HMCN1: variants seen among roughly 807,000 people sequenced by gnomAD.
The protein encoded by HMCN1 is hemicentin-1.
Under a neutral mutation model 625.9 loss-of-function variants are expected in HMCN1, and 321 were observed. The ratio of observed to expected loss-of-function variants is 0.51; its 90% CI spans 0.47 to 0.56. HMCN1 has a LOEUF of 0.56. Among genes scored for constraint, HMCN1 ranks in the 20% least tolerant of loss-of-function variants. The pLI is 0.00. For synonymous variants in HMCN1, 2,425 were observed against 2,417.6 expected, an observed-to-expected ratio of 1.00 and a Z score of -0.09; for missense variants, 6,588 against 6,887.3, an observed-to-expected ratio of 0.96 and a Z score of 1.54.
chr1:185,760,150 G>A (rs912293395), intron 1 of HMCN1, among the ~76,000 whole-genome samples: 5 of 152,174 alleles, frequency 3.3e-5, no homozygotes, highest in South Asian at 2.1e-4. Flanking sequence ...TGTTAAGCTG[G>A]AACAGACATT....
chr1:185,956,589 T>A (rs1649647110), intron 11 of HMCN1, among the ~76,000 whole-genome samples: 1 of 152,238 alleles, frequency 6.6e-6, no homozygotes, highest in Admixed American at 6.5e-5. Flanking sequence ...TCTCTGCATG[T>A]TTAGCTATTT....
chr1:185,967,981 T>C (rs1313649293), intron 14 of HMCN1, among the ~76,000 whole-genome samples: 3 of 152,100 alleles, frequency 2.0e-5, no homozygotes, highest in Non-Finnish European at 4.4e-5. Context: ...AAATGAGCAA[T>C]ACAAAATGGG....
At position 186,171,446 on chromosome 1, in the gene HMCN1, C is replaced by T; in HGVS notation, c.15684C>T (p.Cys5228=). ...EPGYQLKGRK[C]MDVNECRQNV... ...GGTATCAGCTCAAAGGCAGAAAATG[C>T]ATGGGTAAGAAAAGGGCTTTGAATT... Residue 5228 remains cysteine, a synonymous_variant, in exon 101 of 107, where the codon TGC becomes TGT. Coordinates refer to ENST00000271588, the MANE Select transcript of HMCN1 (RefSeq NM_031935.3). 4.4e-6 allele frequency: 7 copies of T among 1,606,914 alleles called. No homozygotes were observed. Among genetic ancestry groups the T allele is most frequent in the Non-Finnish European group, 6.0e-6 (7 of 1,173,672 alleles).
intron 3 of HMCN1, among the ~76,000 whole-genome samples, chr1:185,865,200 A>G (rs896359928): frequency 3.3e-5 from 5 of 152,192 alleles, no homozygotes; most frequent in Admixed American, 1.3e-4. Flanking sequence ...GAGACCAGTA[A>G]GTTGGTTTAG....
chr1:186,188,710 T>C (rs1160687508), intron 106 of HMCN1, among the ~76,000 whole-genome samples: 1 of 152,178 alleles, frequency 6.6e-6, no homozygotes, highest in Non-Finnish European at 1.5e-5. Flanking sequence ...CTCTTGGTAA[T>C]GCTTACCAAG....
At chr1:185,892,182 C>G (rs1462724856) in intron 4 of HMCN1, among the ~76,000 whole-genome samples, 3 of 148,904 alleles carry the variant, frequency 2.0e-5, no homozygotes, top group Non-Finnish European at 2.9e-5. Context: ...AAGCACCTCT[C>G]TGTATTGGTT....
intron 91 of HMCN1, 71 bp from the exon 92 acceptor site, chr1:186,145,332 G>A (rs1376851777): frequency 4.9e-6 from 7 of 1,429,732 alleles, no homozygotes; most frequent in Admixed American, 2.4e-5. Context: ...ATACTTTTTG[G>A]ATGAATGTCA....
intron 14 of HMCN1, among the ~76,000 whole-genome samples, 193 bp downstream of exon 14, chr1:185,966,108 G>A (rs1650391268): frequency 1.3e-5 from 2 of 152,060 alleles, no homozygotes; most frequent in African/African-American, 4.8e-5. Flanking sequence ...TGGATTACAG[G>A]ACTGTAAAAA....
chr1:186,001,369 T>G lies in HMCN1; in HGVS notation c.4141T>G (p.Phe1381Val). The G allele has an allele frequency of 2.5e-6, 4 of 1,611,942 alleles. No homozygotes were observed. Among genetic ancestry groups the G allele is most frequent in the Non-Finnish European group, 3.4e-6 (4 of 1,178,338 alleles). Residue 1381 changes from phenylalanine (F) to valine (V), a missense_variant, in exon 27 of 107, where the codon TTC (phenylalanine) becomes GTC (valine). Phe to Val is a conservative substitution (Grantham distance 50). Coordinates refer to ENST00000271588, the MANE Select transcript of HMCN1 (RefSeq NM_031935.3). ...SVLLNQLTNL[F>V]CEVEGTPSPI... ...GTTGTTAAATCAGCTGACCAATCTC[T>G]TCTGTGAAGTGGAAGGCACTCCATC...
At chr1:185,967,659 G>A (rs1650512654) in intron 14 of HMCN1, among the ~76,000 whole-genome samples, 1 of 151,932 alleles carries the variant, frequency 6.6e-6, no homozygotes, top group Non-Finnish European at 1.5e-5. Context: ...AAACTCCTGT[G>A]AATGCAAACT....
chr1:186,100,260 G>A (rs1425187441), intron 68 of HMCN1, among the ~76,000 whole-genome samples: 1 of 152,126 alleles, frequency 6.6e-6, no homozygotes, highest in Non-Finnish European at 1.5e-5. Context: ...TTAGAAGAAA[G>A]ATGAGAAGTT....
At chr1:186,146,395 T>C (rs572317346) in intron 93 of HMCN1, among the ~76,000 whole-genome samples, 1 of 152,306 alleles carries the variant, frequency 6.6e-6, no homozygotes, top group South Asian at 2.1e-4. Flanking sequence ...TAGCAAGTGA[T>C]GTAAAAATTC....
In HMCN1 at chr1:186,050,405, C is replaced by T. The variant is rs12088108; in HGVS notation, c.6577+1566C>T. Among the ~76,000 whole-genome samples, 928 of 151,860 alleles carry T rather than the reference C, an allele frequency of 6.1e-3. 13 individuals carry two copies. Among genetic ancestry groups the T allele is most frequent in the African/African-American group, 0.021 (866 of 41,472 alleles). ...TACAGAAGAGTACGCGATAGGATGG[C>T]TCTCAGGTGTACCATATAAGAAGAG... On this transcript the variant is annotated intron_variant, in intron 42 of 106. Coordinates refer to ENST00000271588, the MANE Select transcript of HMCN1 (RefSeq NM_031935.3).
chr1:185,954,728 G>A (rs1441210957), intron 11 of HMCN1, among the ~76,000 whole-genome samples: 1 of 152,166 alleles, frequency 6.6e-6, no homozygotes, highest in Non-Finnish European at 1.5e-5. Flanking sequence ...TAGACTGGCA[G>A]TCAGGGCACT....
intron 89 of HMCN1, among the ~76,000 whole-genome samples, chr1:186,141,045 C>A (rs1167084742): frequency 6.6e-6 from 1 of 152,108 alleles, no homozygotes; most frequent in Non-Finnish European, 1.5e-5. Context: ...CTAGAAGGTC[C>A]TTTCTGGCAT....
At chr1:185,794,854 A>T (rs1352136407) in intron 1 of HMCN1, among the ~76,000 whole-genome samples, 2 of 152,202 alleles carry the variant, frequency 1.3e-5, no homozygotes, top group Non-Finnish European at 2.9e-5. Context: ...TTCCCAAAAT[A>T]TGACTTTTGT....
At chr1:186,083,066 T>C in intron 57 of HMCN1, 105 bp downstream of exon 57, 1 of 561,038 alleles carries the variant, frequency 1.8e-6, no homozygotes, top group Non-Finnish European at 3.2e-6. Flanking sequence ...ACTTAAACAA[T>C]GTGAGGAGCC....
chr1:185,995,092 T>C lies in HMCN1; in HGVS notation c.3778+5T>C. 1 of 1,613,176 alleles carries C rather than the reference T, an allele frequency of 6.2e-7. No individual in the cohort carries two copies. The highest frequency in any genetic ancestry group is 8.5e-7 in the Non-Finnish European group (1 of 1,179,258). On this transcript the variant is annotated splice_donor_5th_base_variant and intron_variant, in intron 24 of 106. Transcript: ENST00000271588. Reference sequence around the variant, plus strand: ...AGATAACGCTACATGTCCAAGGTGATTCTTGACACAGGAAAATATATGTAT... The same window carrying C: ...AGATAACGCTACATGTCCAAGGTGACTCTTGACACAGGAAAATATATGTAT...
At chr1:185,924,913 G>C in intron 8 of HMCN1, 134 bp from the exon 9 acceptor site, 1 of 829,738 alleles carries the variant, frequency 1.2e-6, no homozygotes, top group Admixed American at 2.1e-5. Context: ...TAGTGATCTG[G>C]GTTAATTGGA....
Sources: allele counts gnomAD v4.1 joint callset (sites outside exome capture counted in the v4.1 genomes callset), GRCh38; gene constraint gnomAD v4.1.1; transcripts MANE v1.5; gene names NCBI Gene and HGNC (gene_info 2026-07-23, HGNC 2026-07-21).